HSP90AA1: variants seen among roughly 807,000 people sequenced by gnomAD.
HSP90AA1 encodes heat shock protein 90 alpha family class A member 1.
A neutral mutation model predicts 73.3 loss-of-function variants in HSP90AA1; 18 were observed. The ratio of observed to expected loss-of-function variants is 0.25; its 90% CI spans 0.17 to 0.36. The LOEUF is 0.36. Among genes scored for constraint, HSP90AA1 ranks in the 10% least tolerant of loss-of-function variants. The pLI, the probability that HSP90AA1 is intolerant of heterozygous loss-of-function variation, is 1.00. For missense variants in HSP90AA1, 704 were observed against 874.2 expected, an observed-to-expected ratio of 0.81 and a Z score of 2.45; for synonymous variants, 477 against 296.9, an observed-to-expected ratio of 1.61 and a Z score of -6.24.
intron 1 of HSP90AA1, among the ~76,000 whole-genome samples, chr14:102,125,577 C>A (rs1486847597): frequency 2.6e-5 from 4 of 152,068 alleles, no homozygotes; most frequent in Non-Finnish European, 5.9e-5. Flanking sequence ...AAACAAGGGG[C>A]TGAATCTCCC....
upstream of HSP90AA1, among the ~76,000 whole-genome samples, chr14:102,087,670 G>A (rs916264249): frequency 6.6e-6 from 1 of 152,140 alleles, no homozygotes; most frequent in African/African-American, 2.4e-5. Flanking sequence ...TGCGCACTGG[G>A]GAGGCTGTCC....
intron 2 of HSP90AA1, among the ~76,000 whole-genome samples, chr14:102,100,880 C>T (rs140502398): frequency 1.7e-3 from 262 of 152,342 alleles, no homozygotes; most frequent in Middle Eastern, 0.01. Context: ...AAGTTCCTCT[C>T]TAAAGAAACT....
At chr14:102,129,974 G>T (rs1771016) in intron 1 of HSP90AA1, among the ~76,000 whole-genome samples, 102,186 of 150,810 alleles carry the variant, frequency 0.68, 37,303 homozygotes, top group East Asian at 0.97. Context: ...TTTTTTTTTT[G>T]TTTTGTTTTG....
intron 2 of HSP90AA1, among the ~76,000 whole-genome samples, chr14:102,096,010 C>T (rs2152617840): frequency 6.6e-6 from 1 of 152,282 alleles, no homozygotes; most frequent in East Asian, 1.9e-4. Flanking sequence ...ACACACCTTC[C>T]TTGGGAGGCC....
chr14:102,118,911 G>A (rs1033273676), intron 1 of HSP90AA1, among the ~76,000 whole-genome samples: 2 of 143,398 alleles, frequency 1.4e-5, no homozygotes, highest in African/African-American at 5.2e-5. Flanking sequence ...CTGGAGTGTA[G>A]TGGTGCAATC....
At position 102,085,747 on chromosome 14, in the gene HSP90AA1, C is replaced by CA. The variant is rs1566720994; in HGVS notation, c.529+10dup. The CA allele has an allele frequency of 1.1e-5, 18 of 1,613,946 alleles. No homozygotes were observed. Among genetic ancestry groups the CA allele is most frequent in the Non-Finnish European group, 1.4e-5 (17 of 1,179,862 alleles). On this transcript the variant is annotated intron_variant, in intron 3 of 10. Coordinates refer to ENST00000216281, the MANE Select transcript of HSP90AA1 (RefSeq NM_005348.4). Reference sequence around the variant, plus strand: ...ACCGCTCACTTAACCAGTGAATGTTCAGGTGCCTACCTGTGTCTGTCCTCA... The same window carrying CA: ...ACCGCTCACTTAACCAGTGAATGTTCAAGGTGCCTACCTGTGTCTGTCCTCA...
intron 3 of HSP90AA1, 162 bp downstream of exon 3, chr14:102,085,596 G>T: frequency 1.6e-6 from 2 of 1,253,210 alleles, no homozygotes; most frequent in Non-Finnish European, 1.1e-6. Context: ...CAAAAGAACC[G>T]CCCACCAAGT....
exon 1 of HSP90AA1, chr14:102,139,347 T>A (rs768413159): frequency 6.2e-7 from 1 of 1,612,062 alleles, no homozygotes; most frequent in South Asian, 1.1e-5. Context: ...GGACAGTCCC[T>A]GTCCCGAAGG....
At chr14:102,130,919 A>T (rs775243906) in intron 1 of HSP90AA1, among the ~76,000 whole-genome samples, 1 of 151,928 alleles carries the variant, frequency 6.6e-6, no homozygotes, top group Non-Finnish European at 1.5e-5. Flanking sequence ...AGGTCTCACC[A>T]TATTGCCCAG....
At chr14:102,082,488 C>G in intron 9 of HSP90AA1, 44 bp from the exon 10 acceptor site, 2 of 1,460,674 alleles carry the variant, frequency 1.4e-6, no homozygotes, top group Non-Finnish European at 1.9e-6. Context: ...AAGATTAATT[C>G]CTAAACTTTC....
intron 1 of HSP90AA1, among the ~76,000 whole-genome samples, chr14:102,137,491 A>T (rs2050019122): frequency 6.6e-6 from 1 of 151,214 alleles, no homozygotes. Flanking sequence ...ACGCCTGGCT[A>T]ATTTTTGTAC....
At chr14:102,089,337 G>A (rs528379584), upstream of HSP90AA1, among the ~76,000 whole-genome samples, 35 of 152,240 alleles carry the variant, frequency 2.3e-4, no homozygotes, top group African/African-American at 6.3e-4. Context: ...ACTGTTTCCC[G>A]TCAGGCCCCA....
At chr14:102,132,144 A>C (rs187694087) in intron 1 of HSP90AA1, among the ~76,000 whole-genome samples, 37 of 152,290 alleles carry the variant, frequency 2.4e-4, no homozygotes, top group African/African-American at 8.2e-4. Context: ...CGAGACGGGC[A>C]GATCACGAGG....
intron 1 of HSP90AA1, among the ~76,000 whole-genome samples, chr14:102,125,352 T>A (rs1302073261): frequency 1.3e-5 from 2 of 152,226 alleles, no homozygotes; most frequent in Admixed American, 1.3e-4. Flanking sequence ...ACCCAGTTGA[T>A]AATTCTTGCA....
intron 3 of HSP90AA1, 153 bp downstream of exon 3, chr14:102,085,605 G>C (rs561993513): frequency 1.5e-6 from 2 of 1,291,700 alleles, no homozygotes; most frequent in South Asian, 1.2e-5. Flanking sequence ...CGCCCACCAA[G>C]TCATGCCATT....
rs574858312 is a variant in HSP90AA1, at chr14:102,130,561, G to C, written c.155+8689C>G. On this transcript the variant is annotated intron_variant, in intron 1 of 11. Transcript: ENST00000334701. ...AATAATGTTGTGAATCTTTTCACGT[G>C]CTCCCTGGCCATTTGTGTAACTTTG... Among the ~76,000 whole-genome samples the C allele has an allele frequency of 1.2e-3, 186 of 152,232 alleles. 1 individual carries two copies. The highest frequency in any genetic ancestry group is 2.1e-3 in the Non-Finnish European group (141 of 68,002).
chr14:102,110,602 G>C (rs2049628781), intron 1 of HSP90AA1, among the ~76,000 whole-genome samples: 1 of 138,848 alleles, frequency 7.2e-6, no homozygotes. Context: ...TTTTTTTTGA[G>C]ACAGTCTTGC....
chr14:102,133,944 AGTTTGGGACCT>A (rs1695309246), intron 1 of HSP90AA1, among the ~76,000 whole-genome samples: 1 of 151,962 alleles, frequency 6.6e-6, no homozygotes, highest in African/African-American at 2.4e-5. Context: ...TGAGCCCAGG[AGTTTGGGACCT>A]GCCTGGCCAA....
At chr14:102,113,323 T>G (rs1254083662) in intron 1 of HSP90AA1, among the ~76,000 whole-genome samples, 1 of 149,996 alleles carries the variant, frequency 6.7e-6, no homozygotes, top group African/African-American at 2.5e-5. Context: ...CGCGCCCGGC[T>G]TGCTTGCTTG....
Sources: gnomAD v4.1 joint callset for allele counts (sites outside exome capture counted in the v4.1 genomes callset) on GRCh38, gnomAD v4.1.1 for gene constraint, MANE v1.5 for transcripts, NCBI Gene and HGNC (gene_info 2026-07-23, HGNC 2026-07-21) for gene names.